The following TEX9 variants were observed in gnomAD, a reference collection of about 807,000 sequenced individuals.
The protein encoded by TEX9 is testis expressed 9, also known as testis-expressed protein 9.
Under a neutral mutation model 59.6 loss-of-function variants are expected in TEX9, and 74 were observed. That is an observed-to-expected ratio of 1.24 (90% CI 1.03 to 1.51). The LOEUF is 1.51. TEX9 is among the 40% of genes most tolerant of loss of function. The probability of loss-of-function intolerance (pLI) is 0.00; values close to 1 mark genes in which losing one functional copy is unlikely to be tolerated. For synonymous variants in TEX9, 186 were observed against 152.2 expected (o/e 1.22, Z -1.64); for missense variants, 522 against 447.8 (o/e 1.17, Z -1.49).
chr15:56,386,040 ATAAT>A (rs1475368962), intron 4 of TEX9, among the ~76,000 whole-genome samples: 1 of 152,160 alleles, frequency 6.6e-6, no homozygotes, highest in Non-Finnish European at 1.5e-5. Context: ...AAACCTGGAA[ATAAT>A]TAAAATATTT....
chr15:56,410,934 T>G (rs2049314085), intron 9 of TEX9, among the ~76,000 whole-genome samples: 1 of 152,234 alleles, frequency 6.6e-6, no homozygotes, highest in Admixed American at 6.5e-5. Context: ...GCAGATGGTA[T>G]CCATACACAG....
chr15:56,456,842 G>A, the TEX9 span, among the ~76,000 whole-genome samples: 2 of 150,998 alleles, frequency 1.3e-5, no homozygotes, highest in African/African-American at 4.9e-5. Context: ...TTCTTTTTCT[G>A]CTAGGGTGTT....
At chr15:56,342,055 C>A (rs964549962) in intron 1 of TEX9, among the ~76,000 whole-genome samples, 9 of 152,016 alleles carry the variant, frequency 5.9e-5, no homozygotes, top group Admixed American at 5.9e-4. Flanking sequence ...TCTTGCTAAT[C>A]CCTTTGATGA....
At chr15:56,291,975 T>C (rs1347765196) in intron 1 of TEX9, among the ~76,000 whole-genome samples, 5 of 152,252 alleles carry the variant, frequency 3.3e-5, no homozygotes, top group Admixed American at 1.3e-4. Flanking sequence ...GTTAGCTTGC[T>C]AATGTGGTGA....
At chr15:56,433,825 A>C (rs2050666545) in intron 12 of TEX9, among the ~76,000 whole-genome samples, 1 of 152,114 alleles carries the variant, frequency 6.6e-6, no homozygotes, top group South Asian at 2.1e-4. Context: ...TCTATAACCT[A>C]TTATCACATG....
At chr15:56,430,397 C>T (rs933723046) in intron 12 of TEX9, among the ~76,000 whole-genome samples, 1 of 151,962 alleles carries the variant, frequency 6.6e-6, no homozygotes, top group Non-Finnish European at 1.5e-5. Flanking sequence ...GTAGCAATGG[C>T]ATCTCCCCAT....
intron 1 of TEX9, among the ~76,000 whole-genome samples, chr15:56,302,035 CA>C (rs1206872748): frequency 1.3e-5 from 2 of 152,028 alleles, no homozygotes; most frequent in African/African-American, 4.8e-5. Context: ...AATTAAAAAG[CA>C]GGGGCATGAA....
At chr15:56,304,409 G>A (rs1420360328) in intron 1 of TEX9, among the ~76,000 whole-genome samples, 1 of 151,962 alleles carries the variant, frequency 6.6e-6, no homozygotes, top group Non-Finnish European at 1.5e-5. Context: ...ATTTTGTTGA[G>A]GTATCTTCAT....
intron 1 of TEX9, chr15:56,323,731 AG>A (rs2045955197): frequency 2.2e-3 from 1 of 446 alleles, no homozygotes; most frequent in Non-Finnish European, 5.0e-3. Context: ...GAAGAGGAGG[AG>A]GAGGAGAAGG....
intron 12 of TEX9, among the ~76,000 whole-genome samples, chr15:56,443,104 G>C (rs1482908860): frequency 1.3e-5 from 2 of 152,024 alleles, no homozygotes; most frequent in Non-Finnish European, 2.9e-5. Context: ...TCATATTAAC[G>C]TAGCAACTCC....
the TEX9 span, among the ~76,000 whole-genome samples, chr15:56,458,717 T>G: frequency 1.2e-4 from 18 of 152,324 alleles, no homozygotes; most frequent in African/African-American, 4.1e-4. Context: ...TGGAGCCTTT[T>G]TGGACTGGCT....
chr15:56,326,267 G>A (rs377745730), intron 1 of TEX9, among the ~76,000 whole-genome samples: 46 of 123,550 alleles, frequency 3.7e-4, no homozygotes, highest in African/African-American at 1.1e-3. Context: ...AAGTGTCATC[G>A]TGAATGCATT....
At chr15:56,426,235 G>A (rs1456073693) in intron 10 of TEX9, among the ~76,000 whole-genome samples, 1 of 152,018 alleles carries the variant, frequency 6.6e-6, no homozygotes, top group Non-Finnish European at 1.5e-5. Flanking sequence ...AGAAAAGCCA[G>A]AATGTTGCAA....
intron 3 of TEX9, among the ~76,000 whole-genome samples, chr15:56,377,160 C>A (rs1464916762): frequency 6.6e-6 from 1 of 152,070 alleles, no homozygotes; most frequent in African/African-American, 2.4e-5. Context: ...TACTATAGCA[C>A]CATAGTATAA....
intron 1 of TEX9, among the ~76,000 whole-genome samples, chr15:56,260,780 G>A (rs1376923653): frequency 2.0e-5 from 3 of 151,794 alleles, no homozygotes; most frequent in Non-Finnish European, 4.4e-5. Flanking sequence ...AGGAGGAAGC[G>A]TTTTTTCTTT....
At chr15:56,383,142 C>T (rs931105831) in intron 3 of TEX9, among the ~76,000 whole-genome samples, 8 of 152,148 alleles carry the variant, frequency 5.3e-5, no homozygotes, top group East Asian at 1.9e-4. Context: ...TCAAAGTCTC[C>T]GCCCCGCATG....
intron 10 of TEX9, among the ~76,000 whole-genome samples, chr15:56,424,289 G>A (rs1231206657): frequency 6.6e-6 from 1 of 152,054 alleles, no homozygotes; most frequent in African/African-American, 2.4e-5. Context: ...TATTTTGTCA[G>A]ATATTACTGT....
intron 9 of TEX9, 99 bp from the exon 10 acceptor site, chr15:56,412,203 G>C (rs747278284): frequency 8.4e-5 from 99 of 1,175,328 alleles, no homozygotes; most frequent in Non-Finnish European, 1.1e-4. Flanking sequence ...TAAAGTTTGA[G>C]AGAAAGCAAG....
chr15:56,373,452 C>T, exon 3 of TEX9: 3 of 1,587,940 alleles, frequency 1.9e-6, no homozygotes, highest in Non-Finnish European at 2.6e-6. Context: ...CGTTTAAATG[C>T]AGAATTGCAG....
Sources: allele counts gnomAD v4.1 joint callset (sites outside exome capture counted in the v4.1 genomes callset), GRCh38; gene constraint gnomAD v4.1.1; transcripts MANE v1.5; gene names NCBI Gene and HGNC (gene_info 2026-07-23, HGNC 2026-07-21).